OAS2: variants seen among roughly 807,000 people sequenced by gnomAD.
OAS2 encodes the protein 2'-5'-oligoadenylate synthase 2.
OAS2 carries 67 observed loss-of-function variants against 71.3 expected under a neutral mutation model. The ratio of observed to expected loss-of-function variants is 0.94; its 90% confidence interval spans 0.77 to 1.15. The LOEUF (loss-of-function observed/expected upper bound fraction) is 1.15. Ranked by LOEUF, OAS2 falls within the 50% of genes most tolerant of loss-of-function variation. The pLI, the probability that OAS2 is intolerant of heterozygous loss-of-function variation, is 0.00. For synonymous variants in OAS2, 327 were observed against 321.8 expected, an observed-to-expected ratio of 1.02 and a Z score of -0.17; for missense variants, 789 against 822.5, an observed-to-expected ratio of 0.96 and a Z score of 0.50.
chr12:112,992,266 C>T (rs7312567), intron 2 of OAS2, among the ~76,000 whole-genome samples: 1,697 of 152,100 alleles, frequency 0.011, 35 homozygotes, highest in East Asian at 0.068. Flanking sequence ...TGGCATGCAG[C>T]TGTATTCCTA....
rs751101602 is a variant in OAS2 at position 113,010,231 on chromosome 12, C to T, written c.*976C>T. 18 of 1,467,574 alleles carry T rather than the reference C, an allele frequency of 1.2e-5. No individual in the cohort carries two copies. Among genetic ancestry groups the T allele is most frequent in the Non-Finnish European group, 1.5e-5 (17 of 1,117,418 alleles). 90.9% of individuals were successfully genotyped at this position (1,467,574 alleles called of 1,614,324 possible). Reference sequence around the variant, plus strand: ...GGTTAGCTCTAATTATTAAGATATGCATTATAAATAAATACCAAAAAATTG... The same window carrying T: ...GGTTAGCTCTAATTATTAAGATATGTATTATAAATAAATACCAAAAAATTG... On this transcript the variant is annotated 3_prime_UTR_variant, in exon 10 of 10. Transcript: ENST00000392583.
At chr12:113,001,863 CAAAAAAAAAAAA>C (rs71086131) in intron 5 of OAS2, among the ~76,000 whole-genome samples, 2 of 21,868 alleles carry the variant, frequency 9.1e-5, no homozygotes, top group South Asian at 2.7e-3. Context: ...CCCATCTCTA[CAAAAAAAAAAAA>C]AAAAAAAAAA....
intron 5 of OAS2, among the ~76,000 whole-genome samples, chr12:112,999,013 T>C (rs2044260729): frequency 6.6e-6 from 1 of 151,922 alleles, no homozygotes; most frequent in African/African-American, 2.4e-5. Context: ...GAAAGGGGGG[T>C]ACCCAAAGAT....
At chr12:112,993,837 C>T (rs1029201299) in intron 2 of OAS2, among the ~76,000 whole-genome samples, 10 of 152,040 alleles carry the variant, frequency 6.6e-5, no homozygotes, top group Non-Finnish European at 1.3e-4. Context: ...TGTGCCATTG[C>T]AGTCCAGCCT....
At chr12:112,994,480 G>A (rs1369849007) in intron 2 of OAS2, among the ~76,000 whole-genome samples, 3 of 152,078 alleles carry the variant, frequency 2.0e-5, no homozygotes, top group African/African-American at 7.3e-5. Context: ...GGAGTGCAGT[G>A]GTGCAATTAT....
intron 2 of OAS2, chr12:112,988,619 A>G (rs1376792353): frequency 8.1e-6 from 8 of 985,316 alleles, no homozygotes; most frequent in Admixed American, 1.2e-4. Flanking sequence ...GCTAAACTTG[A>G]TTTAACAGCA....
rs963730348 is a variant in OAS2, at chr12:113,009,399, C to T, written c.*144C>T. On this transcript the variant is annotated 3_prime_UTR_variant, in exon 10 of 10. Coordinates refer to ENST00000392583, the MANE Select transcript of OAS2 (RefSeq NM_002535.3). The stretch of plus-strand genomic sequence containing the variant: ...ACAGCTGGTCAGCCCCCTAAGCCCC[C>T]ACTACAAGTGATCCTCAGGCAGGTA... 7.8e-5 allele frequency: 115 copies of T among 1,468,542 alleles called. No homozygotes were observed. The highest frequency in any genetic ancestry group is 1.1e-4 in the African/African-American group (8 of 70,356). The allele number at this position is 1,468,542 out of a possible 1,614,324, so 91.0% of individuals were successfully genotyped here. A position where few individuals can be genotyped will look rare whatever the true frequency, so the allele number is the denominator to read the frequency against.
intron 2 of OAS2, among the ~76,000 whole-genome samples, chr12:112,993,699 CT>C (rs972477619): frequency 8.1e-5 from 12 of 147,678 alleles, no homozygotes; most frequent in East Asian, 4.0e-4. Context: ...GGGCAACAGG[CT>C]TTTTTTTTTC....
intron 8 of OAS2, among the ~76,000 whole-genome samples, chr12:113,007,178 A>T (rs1593207343): frequency 6.6e-6 from 1 of 152,306 alleles, no homozygotes; most frequent in Middle Eastern, 3.4e-3. Context: ...ATGACAGTAA[A>T]CATCAAGCAC....
intron 8 of OAS2, 119 bp downstream of exon 8, chr12:113,006,719 C>T: frequency 1.2e-6 from 1 of 810,224 alleles, no homozygotes. Flanking sequence ...GAGAATCTGC[C>T]CACTGGATAT....
intron 5 of OAS2, among the ~76,000 whole-genome samples, chr12:113,000,530 A>T (rs201985251): frequency 3.4e-4 from 32 of 93,080 alleles, no homozygotes; most frequent in African/African-American, 1.3e-3. Context: ...GCACACACAC[A>T]CTCACACATG....
chr12:112,980,314 T>A (rs971221959), intron 1 of OAS2, among the ~76,000 whole-genome samples: 1 of 152,206 alleles, frequency 6.6e-6, no homozygotes, highest in Non-Finnish European at 1.5e-5. Flanking sequence ...TTAACTATAG[T>A]CACCCCATTG....
chr12:113,003,241 A>G, intron 6 of OAS2, 139 bp downstream of exon 6: 1 of 857,336 alleles, frequency 1.2e-6, no homozygotes, highest in South Asian at 1.6e-5. Context: ...GAGTTAAGGG[A>G]ACTAGGACAC....
intron 8 of OAS2, among the ~76,000 whole-genome samples, chr12:113,007,323 C>T (rs1206726399): frequency 2.0e-5 from 3 of 152,138 alleles, no homozygotes; most frequent in Admixed American, 6.5e-5. Context: ...GGGGCTGTGG[C>T]GTGACCTTGA....
At chr12:113,006,969 C>G (rs191205198) in intron 8 of OAS2, among the ~76,000 whole-genome samples, 1 of 152,212 alleles carries the variant, frequency 6.6e-6, no homozygotes, top group East Asian at 1.9e-4. Flanking sequence ...CAGGTTGAAG[C>G]TGTAGGTGGA....
intron 3 of OAS2, 135 bp downstream of exon 3, chr12:112,995,609 C>A (rs1242498887): frequency 2.4e-6 from 2 of 826,546 alleles, no homozygotes; most frequent in East Asian, 2.6e-5. Context: ...ACACCCAAAT[C>A]AACATAGGGA....
chr12:112,988,073 C>G (rs755632253), intron 2 of OAS2: 1 of 985,424 alleles, frequency 1.0e-6, no homozygotes, highest in East Asian at 1.1e-4. Flanking sequence ...ACAGTCTAAG[C>G]TGACCACCAA....
intron 2 of OAS2, among the ~76,000 whole-genome samples, chr12:112,991,256 G>T (rs191862128): frequency 1.3e-5 from 2 of 152,174 alleles, no homozygotes; most frequent in Admixed American, 6.5e-5. Flanking sequence ...CTATGTCTGG[G>T]TTAGATCCAC....
chr12:112,982,251 C>T (rs1442080750), intron 1 of OAS2, among the ~76,000 whole-genome samples: 1 of 152,056 alleles, frequency 6.6e-6, no homozygotes, highest in Non-Finnish European at 1.5e-5. Flanking sequence ...TTGGCTAGGA[C>T]TTCCAGGATA....
Sources: gnomAD v4.1 joint callset for allele counts (sites outside exome capture counted in the v4.1 genomes callset) on GRCh38, gnomAD v4.1.1 for gene constraint, MANE v1.5 for transcripts, NCBI Gene and HGNC (gene_info 2026-07-23, HGNC 2026-07-21) for gene names.